Variants in WDR59 observed in about 807,000 individuals in gnomAD.
WDR59 encodes WD repeat domain 59, also known as GATOR2 complex protein WDR59.
WDR59 carries 100 observed loss-of-function variants against 131.2 expected under a neutral mutation model. That is an observed-to-expected ratio of 0.76 (90% CI 0.65 to 0.90). The LOEUF is 0.90. Ranked by LOEUF, WDR59 falls within the 40% of genes least tolerant of loss-of-function variation. The pLI is 0.00. For missense variants in WDR59, 1,203 were observed against 1,262.2 expected, an observed-to-expected ratio of 0.95 and a Z score of 0.71; for synonymous variants, 601 against 466.2, an observed-to-expected ratio of 1.29 and a Z score of -3.72.
Position 74,942,388 on chromosome 16 carries a change from G to T in WDR59, c.534+350C>A, listed in dbSNP as rs144355903. ...AGCCTGCTGACAATTCTAGAATAGC[G>T]CCTGGGCTCCACGGCTTAACCCCAC... On this transcript the variant is annotated intron_variant, in intron 7 of 25. Coordinates refer to ENST00000262144, the MANE Select transcript of WDR59 (RefSeq NM_030581.4). Among the ~76,000 whole-genome samples the T allele has an allele frequency of 2.1e-3, 320 of 152,170 alleles. 1 individual carries two copies. The highest frequency in any genetic ancestry group is 7.3e-3 in the African/African-American group (304 of 41,518).
At chr16:74,909,943 A>G (rs1966002500) in intron 14 of WDR59, 26 bp from the exon 15 acceptor site, 2 of 1,564,316 alleles carry the variant, frequency 1.3e-6, no homozygotes, top group Non-Finnish European at 1.7e-6. Context: ...AACACAGTCA[A>G]GAAGAGGAAC....
chr16:74,981,658 A>ATTTTTTTTTTTTTTTTTTTTTT (rs2034430352), intron 1 of WDR59, among the ~76,000 whole-genome samples: 2 of 75,522 alleles, frequency 2.6e-5, no homozygotes, highest in African/African-American at 1.6e-4. Context: ...ATATATATAT[A>ATTTTTTTTTTTTTTTTTTTTTT]TATTTTTTTT....
chr16:74,912,403 T>C, intron 13 of WDR59, 41 bp from the exon 14 acceptor site: 1 of 1,590,626 alleles, frequency 6.3e-7, no homozygotes, highest in South Asian at 1.1e-5. Context: ...AAACAAACCA[T>C]AAAGCGTCTT....
chr16:74,927,683 A>AACACACACACACACAC (rs61511176), intron 8 of WDR59, among the ~76,000 whole-genome samples: 2 of 118,180 alleles, frequency 1.7e-5, no homozygotes, highest in South Asian at 4.9e-4. Context: ...CTCTTTAAAA[A>AACACACACACACACAC]ACACACACAC....
At chr16:74,879,640 TAACAC>T (rs1964385316) in intron 25 of WDR59, among the ~76,000 whole-genome samples, 1 of 152,130 alleles carries the variant, frequency 6.6e-6, no homozygotes, top group African/African-American at 2.4e-5. Flanking sequence ...ACCCTCAGTT[TAACAC>T]GTTATATACA....
chr16:74,974,178 G>GA lies in WDR59; in HGVS notation c.55-8357dup, dbSNP rs376766379. ...AGCAAGACTCCATCTCAAAAACAAA[G>GA]AAAAAAATCAATTGATTAATTAAAT... On this transcript the variant is annotated intron_variant, in intron 1 of 25. Transcript: ENST00000262144. Among the ~76,000 whole-genome samples the GA allele has an allele frequency of 3.3e-5, 5 of 151,896 alleles. No homozygotes were observed. The East Asian group carries it at 5.8e-4, about 18-fold the overall frequency.
At chr16:74,893,196 T>C (rs1159473979) in intron 19 of WDR59, among the ~76,000 whole-genome samples, 1 of 152,204 alleles carries the variant, frequency 6.6e-6, no homozygotes, top group Non-Finnish European at 1.5e-5. Flanking sequence ...TATTAAGCAA[T>C]TGACTTTGAA....
At chr16:74,971,272 C>T (rs1186031219) in intron 1 of WDR59, among the ~76,000 whole-genome samples, 1 of 151,868 alleles carries the variant, frequency 6.6e-6, no homozygotes, top group Non-Finnish European at 1.5e-5. Context: ...TAGCTCACTG[C>T]ATGCTGTGTG....
intron 8 of WDR59, among the ~76,000 whole-genome samples, chr16:74,932,669 T>C (rs752034049): frequency 7.2e-5 from 11 of 151,846 alleles, no homozygotes; most frequent in African/African-American, 2.7e-4. Context: ...GTTTATTTTT[T>C]GTAGAGATGG....
chr16:74,949,330 CAAAAA>C (rs550013099), intron 5 of WDR59, among the ~76,000 whole-genome samples: 4 of 42,586 alleles, frequency 9.4e-5, no homozygotes, highest in African/African-American at 2.5e-4. Flanking sequence ...TACCTTGTCT[CAAAAA>C]AAAAAAAAAA....
chr16:74,965,361 C>CAA (rs2033728020), intron 2 of WDR59, among the ~76,000 whole-genome samples: 1 of 152,148 alleles, frequency 6.6e-6, no homozygotes, highest in Admixed American at 6.5e-5. Flanking sequence ...AACCAAAGTC[C>CAA]AGTTAAGCCA....
At chr16:74,954,977 G>A (rs11649068) in intron 3 of WDR59, among the ~76,000 whole-genome samples, 2 of 151,560 alleles carry the variant, frequency 1.3e-5, no homozygotes, top group Non-Finnish European at 2.9e-5. Flanking sequence ...GGAATGGGGA[G>A]AAACTGCTTA....
chr16:74,977,730 G>C (rs962213853), intron 1 of WDR59, among the ~76,000 whole-genome samples: 1 of 152,078 alleles, frequency 6.6e-6, no homozygotes, highest in African/African-American at 2.4e-5. Flanking sequence ...AATTGGCCTT[G>C]ATACTTATCT....
At chr16:74,953,472 CAAAA>C (rs59976539) in intron 3 of WDR59, among the ~76,000 whole-genome samples, 2 of 97,276 alleles carry the variant, frequency 2.1e-5, no homozygotes, top group Non-Finnish European at 2.1e-5. Context: ...GACTCCGTCT[CAAAA>C]AAAAAAAAAA....
chr16:74,950,294 T>C (rs939092078), intron 4 of WDR59, among the ~76,000 whole-genome samples: 1 of 152,142 alleles, frequency 6.6e-6, no homozygotes, highest in Admixed American at 6.6e-5. Flanking sequence ...GCCACTGCAC[T>C]CCAGCCTGGG....
chr16:74,951,653 A>T, intron 3 of WDR59, 110 bp from the exon 4 acceptor site: 1 of 907,028 alleles, frequency 1.1e-6, no homozygotes. Context: ...CATGGCAAAG[A>T]TCCTTCAGGC....
At chr16:74,971,725 AC>A (rs1317438226) in intron 1 of WDR59, among the ~76,000 whole-genome samples, 1 of 151,402 alleles carries the variant, frequency 6.6e-6, no homozygotes, top group East Asian at 2.0e-4. Flanking sequence ...GAGCCACAGC[AC>A]CCAGCCTCTA....
chr16:74,917,230 T>C (rs1405583233), intron 11 of WDR59, among the ~76,000 whole-genome samples: 1 of 152,070 alleles, frequency 6.6e-6, no homozygotes, highest in Non-Finnish European at 1.5e-5. Context: ...CGGGAAAAAA[T>C]TACAAACAGC....
At chr16:74,889,000 C>T (rs1284029552) in intron 21 of WDR59, among the ~76,000 whole-genome samples, 2 of 152,240 alleles carry the variant, frequency 1.3e-5, no homozygotes, top group African/African-American at 4.8e-5. Context: ...TTCACACTCA[C>T]TATCTTATTT....
Sources: gnomAD v4.1 joint callset for allele counts (sites outside exome capture counted in the v4.1 genomes callset) on GRCh38, gnomAD v4.1.1 for gene constraint, MANE v1.5 for transcripts, NCBI Gene and HGNC (gene_info 2026-07-23, HGNC 2026-07-21) for gene names.